TXNDC11: variants seen among roughly 807,000 people sequenced by gnomAD.
TXNDC11 encodes thioredoxin domain-containing protein 11.
A neutral mutation model predicts 78.0 loss-of-function variants in TXNDC11; 68 were observed. The ratio of observed to expected loss-of-function variants is 0.87; its 90% CI spans 0.72 to 1.07. The LOEUF is 1.07. Ranked by LOEUF, TXNDC11 falls within the 50% of genes least tolerant of loss-of-function variation. TXNDC11 has a pLI of 0.00. For missense variants in TXNDC11, 1,389 were observed against 1,221.8 expected (o/e 1.14, Z -2.04); for synonymous variants, 571 against 495.2 (o/e 1.15, Z -2.03).
At chr16:11,736,666 C>A (rs2141124079) in intron 1 of TXNDC11, among the ~76,000 whole-genome samples, 1 of 152,330 alleles carries the variant, frequency 6.6e-6, no homozygotes, top group Admixed American at 6.5e-5. Context: ...GAGATGCTTA[C>A]AATCAACTCA....
At chr16:11,729,179 C>T (rs1370771888) in intron 4 of TXNDC11, among the ~76,000 whole-genome samples, 1 of 152,190 alleles carries the variant, frequency 6.6e-6, no homozygotes, top group Non-Finnish European at 1.5e-5. Flanking sequence ...CTCAAGGATA[C>T]CCTGGCCCAG....
At chr16:11,689,571 A>C (rs2050655445) in intron 8 of TXNDC11, among the ~76,000 whole-genome samples, 1 of 152,232 alleles carries the variant, frequency 6.6e-6, no homozygotes, top group African/African-American at 2.4e-5. Context: ...ACTGCAGGAC[A>C]AAGAACAGCT....
intron 11 of TXNDC11, among the ~76,000 whole-genome samples, chr16:11,683,646 A>G (rs2050490067): frequency 6.6e-6 from 1 of 152,146 alleles, no homozygotes; most frequent in African/African-American, 2.4e-5. Context: ...TCACGGCCAC[A>G]TTCAAGCTCG....
chr16:11,701,786 G>C (rs924072927), intron 5 of TXNDC11, among the ~76,000 whole-genome samples: 12 of 152,264 alleles, frequency 7.9e-5, no homozygotes, highest in Middle Eastern at 3.4e-3. Context: ...AAAGAAATGA[G>C]TATTTGATGT....
At chr16:11,704,924 T>TC (rs1421934197) in intron 5 of TXNDC11, among the ~76,000 whole-genome samples, 1 of 151,856 alleles carries the variant, frequency 6.6e-6, no homozygotes, top group Non-Finnish European at 1.5e-5. Flanking sequence ...TCTTTTTTTT[T>TC]TTTGAGACAG....
chr16:11,720,293 A>G (rs1483053805), intron 5 of TXNDC11, among the ~76,000 whole-genome samples: 1 of 152,256 alleles, frequency 6.6e-6, no homozygotes, highest in East Asian at 1.9e-4. Flanking sequence ...TTTTATACCT[A>G]TAAAAATACT....
At position 11,680,305 on chromosome 16, in the gene TXNDC11, T is replaced by C. The variant is rs537175753; in HGVS notation, c.2235-468A>G. Among the ~76,000 whole-genome samples the C allele has an allele frequency of 7.9e-5, 12 of 152,318 alleles. No homozygotes were observed. In the South Asian group the frequency reaches 2.5e-3, roughly 32 times the overall value. Reference sequence around the variant, plus strand: ...AAGAACTTGAAAGATACCCAGTCTGTTTCTTCAGCAAGCATTTATTACACA... The same window carrying C: ...AAGAACTTGAAAGATACCCAGTCTGCTTCTTCAGCAAGCATTTATTACACA... On this transcript the variant is annotated intron_variant, in intron 11 of 11. Coordinates refer to ENST00000283033, the MANE Select transcript of TXNDC11 (RefSeq NM_015914.7).
intron 5 of TXNDC11, among the ~76,000 whole-genome samples, chr16:11,717,607 G>A (rs1249005551): frequency 7.2e-5 from 11 of 151,906 alleles, no homozygotes. Flanking sequence ...GGATCATGAG[G>A]TCAGGAGTTC....
intron 7 of TXNDC11, among the ~76,000 whole-genome samples, chr16:11,696,408 T>C (rs146952013): frequency 2.6e-5 from 4 of 152,292 alleles, no homozygotes; most frequent in East Asian, 1.9e-4. Flanking sequence ...GTCCTCTACT[T>C]TGAATTATAG....
At chr16:11,688,248 G>T (rs2050617418) in intron 9 of TXNDC11, 55 bp downstream of exon 9, 1 of 1,585,772 alleles carries the variant, frequency 6.3e-7, no homozygotes, top group Admixed American at 1.8e-5. Context: ...CTGTAGTTTG[G>T]AAATTATTTT....
At chr16:11,702,092 G>GTGTATATATATATATATATA (rs150869552) in intron 5 of TXNDC11, among the ~76,000 whole-genome samples, 15 of 144,366 alleles carry the variant, frequency 1.0e-4, no homozygotes, top group African/African-American at 3.8e-4. Flanking sequence ...GTATGTATGT[G>GTGTATATATATATATATATA]TATATATATA....
At chr16:11,714,722 A>C (rs1328977373) in intron 5 of TXNDC11, among the ~76,000 whole-genome samples, 1 of 152,122 alleles carries the variant, frequency 6.6e-6, no homozygotes, top group Non-Finnish European at 1.5e-5. Context: ...TTTTATGCGT[A>C]CCGACTCAGT....
chr16:11,714,284 A>C (rs2051458048), intron 5 of TXNDC11, among the ~76,000 whole-genome samples: 1 of 152,182 alleles, frequency 6.6e-6, no homozygotes, highest in Admixed American at 6.5e-5. Flanking sequence ...TCAGTCTCGC[A>C]AAGTGCTAGG....
At chr16:11,721,734 T>A in intron 4 of TXNDC11, 64 bp from the exon 5 acceptor site, 1 of 888,414 alleles carries the variant, frequency 1.1e-6, no homozygotes, top group African/African-American at 1.7e-5. Context: ...ATGGAGGATA[T>A]TTTAAAGCAA....
At chr16:11,719,814 T>C (rs908107271) in intron 5 of TXNDC11, among the ~76,000 whole-genome samples, 3 of 152,150 alleles carry the variant, frequency 2.0e-5, no homozygotes, top group Admixed American at 6.5e-5. Context: ...TGTTAAGTGC[T>C]ACAAAAAAAC....
intron 4 of TXNDC11, among the ~76,000 whole-genome samples, chr16:11,722,762 G>A (rs1194187464): frequency 6.6e-6 from 1 of 152,194 alleles, no homozygotes; most frequent in Non-Finnish European, 1.5e-5. Context: ...AGTCATTGTG[G>A]AAATGAACTT....
intron 7 of TXNDC11, among the ~76,000 whole-genome samples, chr16:11,692,958 G>T (rs772606416): frequency 4.6e-5 from 7 of 152,072 alleles, no homozygotes; most frequent in Non-Finnish European, 1.0e-4. Flanking sequence ...GCTGCTTCAG[G>T]GAAGCTAGTC....
chr16:11,710,987 GA>G (rs1206230220), intron 5 of TXNDC11, among the ~76,000 whole-genome samples: 1 of 151,792 alleles, frequency 6.6e-6, no homozygotes, highest in Non-Finnish European at 1.5e-5. Context: ...GCAGCTCCAA[GA>G]AAGAAGCTGG....
At position 11,700,474 on chromosome 16, in the gene TXNDC11, T is replaced by A; in HGVS notation, c.884A>T (p.His295Leu). The change falls in exon 6 of 12, where the codon CAT becomes CTT. Residue 295 changes from histidine (H) to leucine (L), a missense_variant. His to Leu is a moderately conservative substitution (Grantham distance 99, BLOSUM62 -3). Coordinates refer to ENST00000283033, the MANE Select transcript of TXNDC11 (RefSeq NM_015914.7). Reference sequence around the variant, plus strand: ...TACAAGTGATGTGTTGAAATGTCTATGTAAATACACACTTCCAGAGTGTAC... The same window carrying A: ...TACAAGTGATGTGTTGAAATGTCTAAGTAAATACACACTTCCAGAGTGTAC... ...SLVHSGSVYL[H>L]RHFNTSLVFP... 6.4e-7 allele frequency: 1 copy of A among 1,562,442 alleles called. No individual in the cohort carries two copies. Among genetic ancestry groups the A allele is most frequent in the Non-Finnish European group, 8.8e-7 (1 of 1,135,456 alleles).
Sources: gnomAD v4.1 joint callset for allele counts (sites outside exome capture counted in the v4.1 genomes callset) on GRCh38, gnomAD v4.1.1 for gene constraint, MANE v1.5 for transcripts, NCBI Gene and HGNC (gene_info 2026-07-23, HGNC 2026-07-21) for gene names.